The following SLC16A2 variants were observed in gnomAD, a reference collection of about 807,000 sequenced individuals.
SLC16A2 encodes solute carrier family 16 member 2, also known as monocarboxylate transporter 8.
Under a neutral mutation model 27.2 loss-of-function variants are expected in SLC16A2, and 3 were observed. The ratio of observed to expected loss-of-function variants is 0.11; its 90% confidence interval spans 0.05 to 0.28. The LOEUF is 0.28. Among genes scored for constraint, SLC16A2 ranks in the 10% least tolerant of loss-of-function variants. SLC16A2 has a pLI of 1.00. For missense variants in SLC16A2, 295 were observed against 458.5 expected, an observed-to-expected ratio of 0.64 and a Z score of 3.26; for synonymous variants, 202 against 187.8, an observed-to-expected ratio of 1.08 and a Z score of -0.62.
At chrX:74,489,804 C>G (rs922565663) in intron 1 of SLC16A2, among the ~76,000 whole-genome samples, 22 of 110,418 alleles carry the variant, frequency 2.0e-4, no homozygotes, top group African/African-American at 6.6e-4. Flanking sequence ...GCTAAATAGC[C>G]CTACATTTGC....
intron 1 of SLC16A2, among the ~76,000 whole-genome samples, chrX:74,458,641 C>A (rs1021510189): frequency 8.9e-6 from 1 of 111,902 alleles, no homozygotes; most frequent in African/African-American, 3.2e-5. Flanking sequence ...AGCCACCGTG[C>A]CTGGCAAGAT....
intron 1 of SLC16A2, among the ~76,000 whole-genome samples, chrX:74,426,679 C>G (rs1331801262): frequency 8.9e-6 from 1 of 112,317 alleles, no homozygotes; most frequent in African/African-American, 3.2e-5. Context: ...GAGGGTTTGA[C>G]TAAATAAACT....
chrX:74,473,895 C>T lies in SLC16A2; in HGVS notation c.431-47095C>T, dbSNP rs890187512. ...TTTTCAGGTTGTTTCAAAGCTCAACCCTTCAATGAAGAGCTTCCTCAGCTG... is the reference window on the plus strand; with the variant it reads ...TTTTCAGGTTGTTTCAAAGCTCAACTCTTCAATGAAGAGCTTCCTCAGCTG... On this transcript the variant is annotated intron_variant, in intron 1 of 5. Transcript: ENST00000587091. 7.8e-5 allele frequency: 36 copies of T among 458,984 alleles called. No homozygotes were observed. In the Admixed American group the frequency reaches 1.1e-3, roughly 14 times the overall value. 37.8% of individuals were successfully genotyped at this position (458,984 alleles called of 1,213,427 possible). A position where few individuals can be genotyped will look rare whatever the true frequency, so the allele number is the denominator to read the frequency against.
chrX:74,507,944 T>G (rs190295379), intron 1 of SLC16A2, among the ~76,000 whole-genome samples: 12 of 112,397 alleles, frequency 1.1e-4, no homozygotes, highest in Non-Finnish European at 1.5e-4. Flanking sequence ...TGAATAGTAC[T>G]GCAATAAACA....
chrX:74,511,167 G>GT (rs971640654), intron 1 of SLC16A2, among the ~76,000 whole-genome samples: 1 of 110,871 alleles, frequency 9.0e-6, no homozygotes, highest in African/African-American at 3.3e-5. Context: ...GAGATTCGTG[G>GT]TTTTTTTTAT....
At chrX:74,496,606 C>A (rs778018236) in intron 1 of SLC16A2, among the ~76,000 whole-genome samples, 32 of 112,169 alleles carry the variant, frequency 2.9e-4, no homozygotes, top group Non-Finnish European at 5.3e-4. Flanking sequence ...TGCTCAAGAA[C>A]CATCCTGTGC....
intron 1 of SLC16A2, among the ~76,000 whole-genome samples, chrX:74,432,574 A>G (rs995411014): frequency 2.7e-5 from 3 of 111,882 alleles, no homozygotes; most frequent in Non-Finnish European, 5.6e-5. Context: ...AGGGCTCACC[A>G]TATTGATTTT....
At chrX:74,480,323 C>A (rs1190552763) in intron 1 of SLC16A2, among the ~76,000 whole-genome samples, 2 of 112,707 alleles carry the variant, frequency 1.8e-5, no homozygotes, top group Non-Finnish European at 3.8e-5. Context: ...TTTGCTAAGG[C>A]CATTGGAAAA....
chrX:74,471,269 T>G (rs187270791), intron 1 of SLC16A2, among the ~76,000 whole-genome samples: 210 of 112,316 alleles, frequency 1.9e-3, no homozygotes, highest in African/African-American at 6.4e-3. Flanking sequence ...TGAATTTTTG[T>G]GAAGGGTGTA....
intron 1 of SLC16A2, among the ~76,000 whole-genome samples, chrX:74,479,367 T>C (rs1430115615): frequency 8.9e-6 from 1 of 111,749 alleles, no homozygotes; most frequent in Non-Finnish European, 1.9e-5. Flanking sequence ...GCATTGGTTA[T>C]TCTAGTTAGC....
chrX:74,522,665 G>A (rs1237237970), intron 2 of SLC16A2, among the ~76,000 whole-genome samples: 1 of 112,019 alleles, frequency 8.9e-6, no homozygotes, highest in East Asian at 2.8e-4. Context: ...ATCCACATGG[G>A]CTCAATTACA....
chrX:74,462,744 A>G (rs1929175990), intron 1 of SLC16A2, among the ~76,000 whole-genome samples: 1 of 112,194 alleles, frequency 8.9e-6, no homozygotes, highest in African/African-American at 3.2e-5. Context: ...ACCAAAGGGA[A>G]ACATGACTGA....
intron 1 of SLC16A2, among the ~76,000 whole-genome samples, chrX:74,500,711 T>C (rs1930016082): frequency 9.0e-6 from 1 of 111,630 alleles, no homozygotes; most frequent in African/African-American, 3.3e-5. Context: ...AACCTCAATG[T>C]AATTCTGAGC....
intron 1 of SLC16A2, among the ~76,000 whole-genome samples, chrX:74,472,677 T>C (rs1352394784): frequency 9.0e-6 from 1 of 110,570 alleles, no homozygotes; most frequent in Non-Finnish European, 1.9e-5. Context: ...CTTCTTTTTT[T>C]TTAAAAAGAC....
At chrX:74,530,445 C>A (rs948662163) in intron 5 of SLC16A2, among the ~76,000 whole-genome samples, 1 of 112,057 alleles carries the variant, frequency 8.9e-6, no homozygotes, top group Admixed American at 9.4e-5. Flanking sequence ...TTGATTCACG[C>A]ATTAGCTTCT....
At chrX:74,435,092 A>G (rs1486734184) in intron 1 of SLC16A2, among the ~76,000 whole-genome samples, 3 of 109,975 alleles carry the variant, frequency 2.7e-5, no homozygotes, top group Non-Finnish European at 5.7e-5. Flanking sequence ...GGCCTCCCAA[A>G]GTACTGGAAT....
intron 3 of SLC16A2, among the ~76,000 whole-genome samples, chrX:74,525,490 A>C (rs374745521): frequency 9.9e-4 from 110 of 111,674 alleles, no homozygotes; most frequent in African/African-American, 3.5e-3. Context: ...TCAATCATTT[A>C]GGCTATTTTC....
At chrX:74,520,242 G>A (rs774160295) in intron 1 of SLC16A2, among the ~76,000 whole-genome samples, 2 of 111,274 alleles carry the variant, frequency 1.8e-5, no homozygotes, top group African/African-American at 3.3e-5. Context: ...TTAAGGAAAC[G>A]AAGATTATTT....
intron 1 of SLC16A2, among the ~76,000 whole-genome samples, chrX:74,429,196 A>T (rs934757820): frequency 4.5e-5 from 5 of 111,736 alleles, no homozygotes; most frequent in Non-Finnish European, 9.4e-5. Context: ...GGCCAGGCCC[A>T]GTGGCTCAAG....
Sources: gnomAD v4.1 joint callset for allele counts (sites outside exome capture counted in the v4.1 genomes callset) on GRCh38, gnomAD v4.1.1 for gene constraint, MANE v1.5 for transcripts, NCBI Gene and HGNC (gene_info 2026-07-23, HGNC 2026-07-21) for gene names.